Variants in SLC16A12 observed in about 807,000 individuals in gnomAD.
The protein encoded by SLC16A12 is monocarboxylate transporter 12.
Under a neutral mutation model 42.4 loss-of-function variants are expected in SLC16A12, and 17 were observed. The ratio of observed to expected loss-of-function variants is 0.40; its 90% CI spans 0.27 to 0.60. SLC16A12 has a LOEUF of 0.60. SLC16A12 is among the 20% of genes least tolerant of loss of function. SLC16A12 has a pLI of 0.42. For synonymous variants in SLC16A12, 224 were observed against 229.4 expected (o/e 0.98, Z 0.21); for missense variants, 544 against 623.0 (o/e 0.87, Z 1.35).
intron 2 of SLC16A12, among the ~76,000 whole-genome samples, chr10:89,521,410 T>C (rs985636621): frequency 3.9e-5 from 6 of 152,210 alleles, no homozygotes; most frequent in Non-Finnish European, 8.8e-5. Flanking sequence ...TAAGCTTACA[T>C]CAGATCTAAC....
Position 89,465,814 on chromosome 10 carries a change from G to A in SLC16A12, c.-46-3190C>T, listed in dbSNP as rs552323443. Among the ~76,000 whole-genome samples the A allele has an allele frequency of 4.6e-5, 7 of 152,278 alleles. No individual in the cohort carries two copies. In the South Asian group the frequency reaches 8.3e-4, roughly 18 times the overall value. On this transcript the variant is annotated intron_variant, in intron 2 of 7. Coordinates refer to ENST00000371790, the MANE Select transcript of SLC16A12 (RefSeq NM_213606.4). ...GGGAATGGGTTTGGATTGGTCTCCC[G>A]TTCCCATGTCAGTGAGTGATGAGGC...
chr10:89,541,072 C>T (rs1011291293), intron 2 of SLC16A12, among the ~76,000 whole-genome samples: 1 of 151,770 alleles, frequency 6.6e-6, no homozygotes, highest in African/African-American at 2.4e-5. Flanking sequence ...TAGGTGCCCA[C>T]CACCACGCCA....
At chr10:89,545,535 CA>C (rs1444432602) in intron 2 of SLC16A12, among the ~76,000 whole-genome samples, 1 of 152,104 alleles carries the variant, frequency 6.6e-6, no homozygotes, top group African/African-American at 2.4e-5. Context: ...AGGAGAACTA[CA>C]AACCACTGCT....
intron 5 of SLC16A12, among the ~76,000 whole-genome samples, chr10:89,440,073 CAAAAAAA>C (rs10674171): frequency 6.7e-4 from 21 of 31,430 alleles, no homozygotes; most frequent in Admixed American, 5.2e-3. Flanking sequence ...GACCCTGTCT[CAAAAAAA>C]AAAAAAAAAA....
At chr10:89,467,937 AAT>A (rs978285590) in intron 2 of SLC16A12, 10 of 152,122 alleles carry the variant, frequency 6.6e-5, no homozygotes, top group African/African-American at 2.4e-4. Flanking sequence ...GGCAAAATAA[AAT>A]GTTCTGTTTC....
chr10:89,451,092 C>T (rs146790783), intron 3 of SLC16A12, among the ~76,000 whole-genome samples: 80 of 152,224 alleles, frequency 5.3e-4, no homozygotes, highest in African/African-American at 9.4e-4. Context: ...TTTTATAGCC[C>T]GGTGATAACA....
intron 2 of SLC16A12, among the ~76,000 whole-genome samples, chr10:89,491,985 C>T (rs1006107438): frequency 1.3e-5 from 2 of 152,144 alleles, no homozygotes; most frequent in Admixed American, 6.5e-5. Context: ...TCTCCAGAGG[C>T]AATACCAACT....
chr10:89,529,704 C>T (rs540240978), intron 2 of SLC16A12, among the ~76,000 whole-genome samples: 21 of 152,204 alleles, frequency 1.4e-4, no homozygotes, highest in Admixed American at 1.2e-3. Context: ...CGTGCCACCA[C>T]GCCCAGCTAA....
chr10:89,555,467 A>ATATATATGTGTATATATACG (rs1554834624), intron 2 of SLC16A12, among the ~76,000 whole-genome samples: 5 of 133,752 alleles, frequency 3.7e-5, no homozygotes, highest in South Asian at 2.2e-4. Flanking sequence ...AAAGGATAAT[A>ATATATATGTGTATATATACG]TATATATGTG....
intron 2 of SLC16A12, among the ~76,000 whole-genome samples, chr10:89,550,959 A>G (rs1163886454): frequency 6.6e-6 from 1 of 152,218 alleles, no homozygotes; most frequent in Non-Finnish European, 1.5e-5. Flanking sequence ...TATCTCCAGC[A>G]CCTTGTAAGT....
At chr10:89,458,237 A>G (rs1388745725) in intron 3 of SLC16A12, among the ~76,000 whole-genome samples, 4 of 152,200 alleles carry the variant, frequency 2.6e-5, no homozygotes, top group African/African-American at 7.2e-5. Context: ...GCGTTAGCCC[A>G]TATACCTCTG....
chr10:89,486,622 A>G (rs1021442401), intron 2 of SLC16A12, among the ~76,000 whole-genome samples: 3 of 123,188 alleles, frequency 2.4e-5, no homozygotes, highest in Non-Finnish European at 5.0e-5. Flanking sequence ...AAAGAAAGAA[A>G]GAAAGAAAGA....
chr10:89,453,488 T>C (rs1842128567), intron 3 of SLC16A12, among the ~76,000 whole-genome samples: 1 of 152,184 alleles, frequency 6.6e-6, no homozygotes, highest in Admixed American at 6.5e-5. Context: ...AATATCATAT[T>C]TTTACTGTAC....
intron 2 of SLC16A12, among the ~76,000 whole-genome samples, chr10:89,529,672 C>T (rs112822467): frequency 0.011 from 1,635 of 152,112 alleles, 29 homozygotes; most frequent in African/African-American, 0.037. Flanking sequence ...CTCAGCCCCC[C>T]TAGTAGCTGG....
intron 2 of SLC16A12, among the ~76,000 whole-genome samples, chr10:89,494,768 AG>A (rs1337404493): frequency 6.6e-6 from 1 of 152,214 alleles, no homozygotes; most frequent in Non-Finnish European, 1.5e-5. Flanking sequence ...TCAGGAATGA[AG>A]GAACAGAAGA....
At chr10:89,554,026 GAGAAAGGAAGAAAGAAAGAAAGAAAGAA>G (rs1843787172) in intron 2 of SLC16A12, among the ~76,000 whole-genome samples, 2 of 99,584 alleles carry the variant, frequency 2.0e-5, no homozygotes, top group Non-Finnish European at 3.9e-5. Context: ...GAAAGAAAGA[GAGAAAGGAAGAAAGAAAGAAAGAAAGAA>G]AGAAAGAAAG....
chr10:89,506,192 A>T (rs1843058833), intron 2 of SLC16A12, among the ~76,000 whole-genome samples: 1 of 152,266 alleles, frequency 6.6e-6, no homozygotes, highest in Non-Finnish European at 1.5e-5. Flanking sequence ...TGAAGAGAGC[A>T]GTAGTTCTCC....
rs1477822978 is a variant in SLC16A12, at chr10:89,436,860, AAT to A, written c.1029-543_1029-542del. 1.1e-4 allele frequency among the ~76,000 whole-genome samples: 13 copies of A among 119,232 alleles called. 1 individual carries two copies. In the East Asian group the frequency reaches 1.5e-3, roughly 13 times the overall value. The allele number at this position is 119,232 out of a possible 152,430, so 78.2% of individuals were successfully genotyped here. A position where few individuals can be genotyped will look rare whatever the true frequency, so the allele number is the denominator to read the frequency against. ...TAAGGAGAAAGAAAGAAAAGAAAGA[AAT>A]AAAGAAAAAGAAAGAAAGAAAGAAA... On this transcript the variant is annotated intron_variant, in intron 6 of 7. Coordinates refer to ENST00000371790, the MANE Select transcript of SLC16A12 (RefSeq NM_213606.4).
intron 2 of SLC16A12, among the ~76,000 whole-genome samples, chr10:89,472,782 C>G (rs376379248): frequency 1.3e-5 from 2 of 151,438 alleles, no homozygotes; most frequent in African/African-American, 2.4e-5. Flanking sequence ...TGTGAGCCAC[C>G]GTGCCTGGTC....
Sources: gnomAD v4.1 joint callset for allele counts (sites outside exome capture counted in the v4.1 genomes callset) on GRCh38, gnomAD v4.1.1 for gene constraint, MANE v1.5 for transcripts, NCBI Gene and HGNC (gene_info 2026-07-23, HGNC 2026-07-21) for gene names.